Variants in PRKCE observed in about 807,000 individuals in gnomAD.
The protein encoded by PRKCE is protein kinase C epsilon type.
In PRKCE, 16 loss-of-function variants were observed where a neutral mutation model predicts 85.4. That is an observed-to-expected ratio of 0.19 (90% CI 0.13 to 0.28). The LOEUF (loss-of-function observed/expected upper bound fraction) is 0.28. Ranked by LOEUF, PRKCE falls within the 10% of genes least tolerant of loss-of-function variation. The probability of loss-of-function intolerance (pLI) is 1.00; values close to 1 mark genes in which losing one functional copy is unlikely to be tolerated. For synonymous variants in PRKCE, 388 were observed against 371.5 expected (o/e 1.04, Z -0.51); for missense variants, 573 against 975.2 (o/e 0.59, Z 5.49).
chr2:46,060,950 CAG>C (rs927793273), intron 10 of PRKCE, among the ~76,000 whole-genome samples: 3 of 151,450 alleles, frequency 2.0e-5, no homozygotes, highest in African/African-American at 7.3e-5. Flanking sequence ...TTAGTAGAGA[CAG>C]GGTTTTGTCA....
intron 1 of PRKCE, among the ~76,000 whole-genome samples, chr2:45,810,834 A>G (rs1485231496): frequency 1.3e-5 from 2 of 152,204 alleles, no homozygotes. Flanking sequence ...CGTATTATTA[A>G]CAGTATTTGT....
chr2:45,843,136 C>CA (rs1440188183), intron 2 of PRKCE, 73 bp downstream of exon 2: 5 of 1,340,266 alleles, frequency 3.7e-6, no homozygotes, highest in East Asian at 2.3e-5. Context: ...TCTTTCCCCC[C>CA]CTTGGCCGGA....
chr2:45,723,415 C>T (rs7563790), intron 1 of PRKCE, among the ~76,000 whole-genome samples: 1 of 152,042 alleles, frequency 6.6e-6, no homozygotes, highest in Admixed American at 6.5e-5. Flanking sequence ...ATTTTCAACA[C>T]AGATGTGCTT....
chr2:45,989,861 A>G (rs539583219), intron 6 of PRKCE, among the ~76,000 whole-genome samples: 1 of 152,296 alleles, frequency 6.6e-6, no homozygotes, highest in East Asian at 1.9e-4. Flanking sequence ...AGCAAGACTG[A>G]AGTTAGATAT....
chr2:46,029,955 T>C (rs1372701772), intron 10 of PRKCE, among the ~76,000 whole-genome samples: 2 of 152,086 alleles, frequency 1.3e-5, no homozygotes, highest in African/African-American at 4.8e-5. Flanking sequence ...TGTCCTTTCT[T>C]CTAAATACCC....
intron 10 of PRKCE, among the ~76,000 whole-genome samples, chr2:46,058,322 C>A (rs927344256): frequency 6.6e-6 from 1 of 152,242 alleles, no homozygotes; most frequent in South Asian, 2.1e-4. Flanking sequence ...ACCACCCATC[C>A]AGCCTCTGGA....
intron 1 of PRKCE, among the ~76,000 whole-genome samples, chr2:45,836,599 G>A (rs1293516942): frequency 6.6e-6 from 1 of 152,200 alleles, no homozygotes; most frequent in East Asian, 1.9e-4. Flanking sequence ...GGATGGTAGT[G>A]TGCCTGCGGT....
chr2:45,878,295 G>C (rs1429667695), intron 2 of PRKCE, among the ~76,000 whole-genome samples: 1 of 152,194 alleles, frequency 6.6e-6, no homozygotes, highest in African/African-American at 2.4e-5. Context: ...TCCTCCTCTA[G>C]TGTTTGCATC....
intron 2 of PRKCE, among the ~76,000 whole-genome samples, chr2:45,856,761 G>T (rs1692714435): frequency 6.6e-6 from 1 of 152,044 alleles, no homozygotes; most frequent in Non-Finnish European, 1.5e-5. Context: ...TCTTCTATGA[G>T]ATCAACTTTT....
chr2:45,739,824 G>T (rs1409591821), intron 1 of PRKCE, among the ~76,000 whole-genome samples: 1 of 152,068 alleles, frequency 6.6e-6, no homozygotes, highest in African/African-American at 2.4e-5. Flanking sequence ...ACACTAAAAA[G>T]GGAAAATTTC....
intron 11 of PRKCE, among the ~76,000 whole-genome samples, chr2:46,141,652 A>G (rs1413216040): frequency 2.6e-5 from 4 of 152,190 alleles, no homozygotes; most frequent in Non-Finnish European, 5.9e-5. Context: ...ATTGGCTCAC[A>G]TATTGGGAAA....
At chr2:45,930,623 A>G (rs1393812910) in intron 2 of PRKCE, among the ~76,000 whole-genome samples, 3 of 152,084 alleles carry the variant, frequency 2.0e-5, no homozygotes, top group African/African-American at 4.8e-5. Flanking sequence ...CTCATCATGA[A>G]CTCTGCTGCC....
At chr2:45,940,792 C>T (rs1699816694) in intron 2 of PRKCE, among the ~76,000 whole-genome samples, 1 of 152,078 alleles carries the variant, frequency 6.6e-6, no homozygotes, top group Non-Finnish European at 1.5e-5. Context: ...GGCGTGGTGG[C>T]TCATGCCTGT....
chr2:45,977,689 C>G (rs373639563), intron 3 of PRKCE, among the ~76,000 whole-genome samples: 2 of 151,716 alleles, frequency 1.3e-5, no homozygotes, highest in African/African-American at 4.8e-5. Context: ...TAAAGATGAT[C>G]GAAGGCCAGC....
chr2:46,181,423 G>A (rs1003432486), intron 14 of PRKCE, among the ~76,000 whole-genome samples: 4 of 152,184 alleles, frequency 2.6e-5, no homozygotes, highest in East Asian at 1.9e-4. Context: ...AGTCTGTAAC[G>A]ATCATGAAGA....
intron 1 of PRKCE, among the ~76,000 whole-genome samples, chr2:45,670,970 G>C (rs558796860): frequency 6.6e-6 from 1 of 152,304 alleles, no homozygotes; most frequent in South Asian, 2.1e-4. Flanking sequence ...GGTGCTTCAG[G>C]GTTCCTGGGT....
intron 1 of PRKCE, among the ~76,000 whole-genome samples, chr2:45,731,693 T>A (rs562952754): frequency 7.6e-4 from 115 of 150,760 alleles, no homozygotes; most frequent in African/African-American, 2.6e-3. Context: ...GTGCAAACAT[T>A]GCTCCCTGCA....
At chr2:45,956,639 C>T (rs1180874068) in intron 2 of PRKCE, among the ~76,000 whole-genome samples, 5 of 152,022 alleles carry the variant, frequency 3.3e-5, no homozygotes, top group South Asian at 2.1e-4. Context: ...GAGCCAAGGT[C>T]GCACCACTAC....
At chr2:45,681,288 C>CAAAAAAAAAA (rs10532828) in intron 1 of PRKCE, among the ~76,000 whole-genome samples, 5 of 61,782 alleles carry the variant, frequency 8.1e-5, no homozygotes, top group African/African-American at 2.3e-4. Flanking sequence ...GACTCTGTCT[C>CAAAAAAAAAA]AAAAAAAAAA....
Sources: gnomAD v4.1 joint callset for allele counts (sites outside exome capture counted in the v4.1 genomes callset) on GRCh38, gnomAD v4.1.1 for gene constraint, MANE v1.5 for transcripts, NCBI Gene and HGNC (gene_info 2026-07-23, HGNC 2026-07-21) for gene names.